Variants in ZBED6 observed in about 807,000 individuals in gnomAD.
ZBED6 encodes the protein zinc finger BED-type containing 6.
In ZBED6, 40 loss-of-function variants were observed where a neutral mutation model predicts 58.4. That is an observed-to-expected ratio of 0.68 (90% CI 0.53 to 0.89). The LOEUF (loss-of-function observed/expected upper bound fraction) is 0.89. ZBED6 is among the 40% of genes least tolerant of loss of function. The pLI, the probability that ZBED6 is intolerant of heterozygous loss-of-function variation, is 0.00. For synonymous variants in ZBED6, 439 were observed against 350.6 expected (o/e 1.25, Z -2.82); for missense variants, 1,057 against 1,003.9 (o/e 1.05, Z -0.71).
intron 1 of ZBED6, among the ~76,000 whole-genome samples, chr1:203,804,075 T>G (rs1258216605): frequency 6.6e-6 from 1 of 152,104 alleles, no homozygotes; most frequent in African/African-American, 2.4e-5. Flanking sequence ...TGTGCCTTAG[T>G]AGTTTCATAG....
At chr1:203,809,642 G>A (rs763162888) in intron 1 of ZBED6, among the ~76,000 whole-genome samples, 3 of 151,742 alleles carry the variant, frequency 2.0e-5, no homozygotes, top group Non-Finnish European at 2.9e-5. Context: ...ATTTTCAAAC[G>A]GTTATTTTCT....
Position 203,847,445 on chromosome 1 carries a change from A to C in ZBED6, c.*4003A>C. ...AAGGATACAACTTGCATCAAGCTAA[A>C]GATTGATAGTGAAATTAAAAAAACA... On this transcript the variant is annotated 3_prime_UTR_variant, in exon 12 of 17. Coordinates refer to ENST00000550078, the Ensembl canonical transcript of ZBED6. 1.2e-6 allele frequency: 2 copies of C among 1,614,018 alleles called. No homozygotes were observed. The highest frequency in any genetic ancestry group is 1.7e-6 in the Non-Finnish European group (2 of 1,179,884).
intron 1 of ZBED6, among the ~76,000 whole-genome samples, chr1:203,806,764 A>T (rs892833470): frequency 6.8e-5 from 10 of 146,650 alleles, no homozygotes; most frequent in African/African-American, 2.2e-4. Flanking sequence ...GATTATGTGC[A>T]TTTATGCTAG....
intron 11 of ZBED6, among the ~76,000 whole-genome samples, chr1:203,840,640 T>TTTATTTATTTATTTA (rs1558136097): frequency 7.1e-6 from 1 of 141,216 alleles, no homozygotes; most frequent in Non-Finnish European, 1.6e-5. Flanking sequence ...TTATTTATTT[T>TTTATTTATTTATTTA]ATTTATTTTT....
intron 10 of ZBED6, 71 bp downstream of exon 10, chr1:203,838,135 A>G (rs1028227820): frequency 2.2e-6 from 3 of 1,389,962 alleles, no homozygotes; most frequent in Non-Finnish European, 2.0e-6. Flanking sequence ...GCTAACAGCT[A>G]TGGTTTTTCA....
rs764610394 is a variant in ZBED6, at chr1:203,818,741, C to G, written c.*2873+52C>G. On this transcript the variant is annotated intron_variant, in intron 3 of 16. Transcript: ENST00000550078. The stretch of plus-strand genomic sequence containing the variant: ...ATAAGTAGTCTGGAGACCTGGTGGG[C>G]CAATAAAAAATATAGGGACAAAAGT... 16 of 1,609,210 alleles carry G rather than the reference C, an allele frequency of 9.9e-6. No individual in the cohort carries two copies. The Admixed American group carries it at 1.2e-4, about 12-fold the overall frequency.
intron 3 of ZBED6, among the ~76,000 whole-genome samples, chr1:203,819,087 TATACACAC>T (rs1487812221): frequency 9.7e-5 from 4 of 41,418 alleles, no homozygotes; most frequent in Admixed American, 3.2e-4. Flanking sequence ...AATATATATA[TATACACAC>T]ACACACACAC....
At chr1:203,816,767 G>C (rs1676518056) in intron 1 of ZBED6, among the ~76,000 whole-genome samples, 159 bp from the exon 2 acceptor site, 1 of 152,160 alleles carries the variant, frequency 6.6e-6, no homozygotes, top group Non-Finnish European at 1.5e-5. Flanking sequence ...TTGTAGATGG[G>C]AATGTACAGT....
rs1685707454 is a variant in ZBED6, at chr1:203,840,306, C to T, written c.*3673C>T. On this transcript the variant is annotated splice_region_variant and 3_prime_UTR_variant, in exon 11 of 17. Transcript: ENST00000550078. ...TTTTTGAAAATCTTTCTTTTCACAG[C>T]TCAAGTTTCCAAGTCTCTTAAGGAG... is the stretch of plus-strand genomic sequence containing the variant. 1 of 1,611,336 alleles carries T rather than the reference C, an allele frequency of 6.2e-7. No homozygotes were observed. Among genetic ancestry groups the T allele is most frequent in the African/African-American group, 1.3e-5 (1 of 74,586 alleles).
At chr1:203,798,904 A>G in exon 1 of ZBED6, 1 of 1,536,126 alleles carries the variant, frequency 6.5e-7, no homozygotes, top group Non-Finnish European at 8.7e-7. Flanking sequence ...CCTCAGTTAT[A>G]TGATTGTGTC....
At chr1:203,818,828 G>A in intron 3 of ZBED6, 139 bp downstream of exon 3, 1 of 1,332,972 alleles carries the variant, frequency 7.5e-7, no homozygotes, top group South Asian at 1.4e-5. Context: ...CCAGCACTTT[G>A]GGAGGCTGAG....
At chr1:203,826,766 C>T (rs1012832990) in intron 3 of ZBED6, among the ~76,000 whole-genome samples, 2 of 152,120 alleles carry the variant, frequency 1.3e-5, no homozygotes, top group Non-Finnish European at 2.9e-5. Context: ...TGCAGTTCAT[C>T]GGAGGTTAGT....
intron 11 of ZBED6, among the ~76,000 whole-genome samples, chr1:203,845,778 C>T (rs1687715373): frequency 6.6e-6 from 1 of 152,070 alleles, no homozygotes; most frequent in Non-Finnish European, 1.5e-5. Context: ...GGCAGAGAAT[C>T]ACTTGAACCC....
chr1:203,842,224 A>G (rs1686574130), intron 11 of ZBED6, among the ~76,000 whole-genome samples: 1 of 152,130 alleles, frequency 6.6e-6, no homozygotes, highest in African/African-American at 2.4e-5. Context: ...CTGCAATCTC[A>G]GCACTTTGGG....
At chr1:203,797,708 G>T in exon 1 of ZBED6, 1 of 1,534,808 alleles carries the variant, frequency 6.5e-7, no homozygotes, top group Non-Finnish European at 8.7e-7. Flanking sequence ...CTGCTAAAAA[G>T]AAAAGAAAGA....
At chr1:203,842,201 G>A (rs1212906883) in intron 11 of ZBED6, among the ~76,000 whole-genome samples, 12 of 152,170 alleles carry the variant, frequency 7.9e-5, no homozygotes, top group African/African-American at 1.7e-4. Context: ...ACGGGGTGGC[G>A]GCCGGGCAGA....
At chr1:203,816,400 G>A (rs1425756459) in intron 1 of ZBED6, among the ~76,000 whole-genome samples, 3 of 152,170 alleles carry the variant, frequency 2.0e-5, no homozygotes, top group Non-Finnish European at 2.9e-5. Flanking sequence ...CAAGTGAGGA[G>A]GATTGCTTGA....
chr1:203,842,327 G>A (rs953054781), intron 11 of ZBED6, among the ~76,000 whole-genome samples: 4 of 152,184 alleles, frequency 2.6e-5, no homozygotes, highest in Non-Finnish European at 4.4e-5. Flanking sequence ...CTGAGTGAGC[G>A]AGACTCCGTC....
chr1:203,833,767 G>C (rs1201098262), intron 8 of ZBED6, 24 bp from the exon 9 acceptor site: 1 of 1,602,466 alleles, frequency 6.2e-7, no homozygotes, highest in African/African-American at 1.3e-5. Context: ...TAAGGATAGA[G>C]AAATTCTGCT....
Sources: gnomAD v4.1 joint callset for allele counts (sites outside exome capture counted in the v4.1 genomes callset) on GRCh38, gnomAD v4.1.1 for gene constraint, MANE v1.5 for transcripts, NCBI Gene and HGNC (gene_info 2026-07-23, HGNC 2026-07-21) for gene names.